Variants in BRINP3 observed in about 807,000 individuals in gnomAD.
BRINP3 encodes the protein BMP/retinoic acid inducible neural specific 3.
In BRINP3, 19 loss-of-function variants were observed where a neutral mutation model predicts 71.0. That is an observed-to-expected ratio of 0.27 (90% confidence interval 0.19 to 0.39). The LOEUF is 0.39. BRINP3 is among the 10% of genes least tolerant of loss of function. BRINP3 has a pLI of 1.00. For synonymous variants in BRINP3, 380 were observed against 337.7 expected, an observed-to-expected ratio of 1.13 and a Z score of -1.37; for missense variants, 959 against 940.8, an observed-to-expected ratio of 1.02 and a Z score of -0.25.
chr1:190,290,935 A>C (rs1229644579), intron 2 of BRINP3, among the ~76,000 whole-genome samples: 1 of 151,598 alleles, frequency 6.6e-6, no homozygotes, highest in African/African-American at 2.4e-5. Context: ...ATTTGTGGGA[A>C]GCATGGAGGA....
chr1:190,363,718 C>G (rs192436245), intron 2 of BRINP3, among the ~76,000 whole-genome samples: 9 of 152,160 alleles, frequency 5.9e-5, no homozygotes, highest in Non-Finnish European at 1.2e-4. Context: ...AATGGAGAGT[C>G]TGGGCTAGAG....
intron 2 of BRINP3, among the ~76,000 whole-genome samples, chr1:190,310,040 A>G (rs1665405819): frequency 6.7e-6 from 1 of 150,316 alleles, no homozygotes; most frequent in South Asian, 2.1e-4. Flanking sequence ...GTGTCTGTAT[A>G]TTTTCCCTTA....
intron 4 of BRINP3, among the ~76,000 whole-genome samples, chr1:190,242,954 T>A (rs1396451605): frequency 1.3e-5 from 2 of 152,128 alleles, no homozygotes; most frequent in African/African-American, 4.8e-5. Flanking sequence ...TTTGTTACCA[T>A]GAGGCCAGGC....
intron 2 of BRINP3, among the ~76,000 whole-genome samples, chr1:190,282,593 A>T (rs2102940227): frequency 6.6e-6 from 1 of 152,146 alleles, no homozygotes; most frequent in African/African-American, 2.4e-5. Context: ...ATAATCAAAT[A>T]AAATGTTAAT....
chr1:190,315,095 A>G (rs966829474), intron 2 of BRINP3, among the ~76,000 whole-genome samples: 4 of 152,152 alleles, frequency 2.6e-5, no homozygotes, highest in African/African-American at 9.7e-5. Context: ...TGAAGGGCAT[A>G]TTAACAATGA....
chr1:190,281,852 G>A (rs1663066530), intron 2 of BRINP3, 102 bp from the exon 3 acceptor site: 1 of 1,027,150 alleles, frequency 9.7e-7, no homozygotes, highest in African/African-American at 1.6e-5. Flanking sequence ...AATGTCTCTT[G>A]CTTGTAATAC....
chr1:190,402,087 T>C (rs1350263229), intron 2 of BRINP3, among the ~76,000 whole-genome samples: 1 of 152,054 alleles, frequency 6.6e-6, no homozygotes. Flanking sequence ...ATAATCATAC[T>C]TATCACTAGA....
At chr1:190,442,606 A>C (rs932525452) in intron 2 of BRINP3, among the ~76,000 whole-genome samples, 1 of 152,212 alleles carries the variant, frequency 6.6e-6, no homozygotes, top group Non-Finnish European at 1.5e-5. Flanking sequence ...CATACTTTCG[A>C]GACAAATTAA....
At chr1:190,404,169 A>C (rs1672115642) in intron 2 of BRINP3, among the ~76,000 whole-genome samples, 1 of 152,150 alleles carries the variant, frequency 6.6e-6, no homozygotes, top group South Asian at 2.1e-4. Flanking sequence ...CATCCTCTAT[A>C]GTTTTGTTAT....
At chr1:190,464,240 G>A (rs1453447608) in intron 1 of BRINP3, among the ~76,000 whole-genome samples, 2 of 151,216 alleles carry the variant, frequency 1.3e-5, no homozygotes, top group Non-Finnish European at 3.0e-5. Context: ...ATCTAATGAG[G>A]GGCTACAAAA....
At chr1:190,277,755 T>G (rs1347505331) in intron 3 of BRINP3, among the ~76,000 whole-genome samples, 2 of 151,748 alleles carry the variant, frequency 1.3e-5, no homozygotes, top group Non-Finnish European at 2.9e-5. Flanking sequence ...TTAAATATAT[T>G]CCATAGCTAG....
rs1663055213 is a variant in BRINP3 at position 190,281,714 on chromosome 1, A to C, written c.273T>G (p.Val91=). The C allele has an allele frequency of 6.2e-7, 1 of 1,612,592 alleles. No homozygotes were observed. Reference sequence around the variant, plus strand: ...GAGAGCCAAGGAAATTTCTTCTCTCAACTGCAAGGTTATTTACTTTCCAGC... The same window carrying C: ...GAGAGCCAAGGAAATTTCTTCTCTCCACTGCAAGGTTATTTACTTTCCAGC... The part of the protein sequence containing the change: ...FGRWKVNNLA[V]ERRNFLGSPL... The change falls in exon 3 of 8, where the codon GTT becomes GTG. Residue 91 remains valine (V), a synonymous_variant. Transcript: ENST00000367462.
chr1:190,164,385 G>C (rs564133504), intron 6 of BRINP3, among the ~76,000 whole-genome samples: 2 of 152,180 alleles, frequency 1.3e-5, no homozygotes, highest in Admixed American at 6.5e-5. Flanking sequence ...CAAAACAGAA[G>C]CTGCTGTCAT....
rs1222112915 is a variant in BRINP3 at position 190,165,460 on chromosome 1, T to TTGTG, written c.962-4574_962-4571dup. 1.5e-3 allele frequency among the ~76,000 whole-genome samples: 138 copies of TTGTG among 95,158 alleles called. 2 individuals carry two copies. In the Middle Eastern group the frequency reaches 0.019, roughly 13 times the overall value. The allele number at this position is 95,158 out of a possible 152,430, so 62.4% of individuals were successfully genotyped here. On this transcript the variant is annotated intron_variant, in intron 6 of 7. Coordinates refer to ENST00000367462, the MANE Select transcript of BRINP3 (RefSeq NM_199051.3). ...CATTGGCTGTTTTTTTTTTTTTTTT[T>TTGTG]TGTGTGTGTGTGTGTGTGTGTGTGT...
intron 4 of BRINP3, among the ~76,000 whole-genome samples, chr1:190,247,172 G>C (rs1383334876): frequency 6.6e-6 from 1 of 151,740 alleles, no homozygotes; most frequent in East Asian, 1.9e-4. Flanking sequence ...ACACACCATA[G>C]ATTTAAAACT....
At chr1:190,436,070 G>A (rs2102531926) in intron 2 of BRINP3, among the ~76,000 whole-genome samples, 1 of 151,962 alleles carries the variant, frequency 6.6e-6, no homozygotes, top group African/African-American at 2.4e-5. Flanking sequence ...ATTCCTGATT[G>A]AATTATCCTT....
intron 1 of BRINP3, among the ~76,000 whole-genome samples, chr1:190,457,435 C>A (rs1398005680): frequency 1.5e-5 from 2 of 134,860 alleles, no homozygotes; most frequent in Non-Finnish European, 3.2e-5. Context: ...CAGAGGGAGG[C>A]TCTGTCTCAA....
At chr1:190,267,060 A>T (rs1661724461) in intron 3 of BRINP3, among the ~76,000 whole-genome samples, 1 of 152,192 alleles carries the variant, frequency 6.6e-6, no homozygotes, top group Admixed American at 6.5e-5. Flanking sequence ...ACATACACTG[A>T]TATTATGAGA....
intron 7 of BRINP3, among the ~76,000 whole-genome samples, chr1:190,154,305 G>GTGTT (rs1387035195): frequency 6.6e-6 from 1 of 152,134 alleles, no homozygotes; most frequent in African/African-American, 2.4e-5. Flanking sequence ...AAAGGAAGAA[G>GTGTT]TGTTTGTCTT....
Sources: gnomAD v4.1 joint callset for allele counts (sites outside exome capture counted in the v4.1 genomes callset) on GRCh38, gnomAD v4.1.1 for gene constraint, MANE v1.5 for transcripts, NCBI Gene and HGNC (gene_info 2026-07-23, HGNC 2026-07-21) for gene names.